COL5A2: variants seen among roughly 807,000 people sequenced by gnomAD.
The protein encoded by COL5A2 is collagen type V alpha 2 chain.
COL5A2 carries 23 observed loss-of-function variants against 208.2 expected under a neutral mutation model. That is an observed-to-expected ratio of 0.11 (90% confidence interval 0.08 to 0.16). COL5A2 has a LOEUF of 0.16. Among genes scored for constraint, COL5A2 ranks in the 10% least tolerant of loss-of-function variants. The probability of loss-of-function intolerance (pLI) is 1.00; values close to 1 mark genes in which losing one functional copy is unlikely to be tolerated. For synonymous variants in COL5A2, 625 were observed against 628.5 expected, an observed-to-expected ratio of 0.99 and a Z score of 0.08; for missense variants, 1,590 against 1,956.4, an observed-to-expected ratio of 0.81 and a Z score of 3.53.
intron 6 of COL5A2, 134 bp from the exon 7 acceptor site, chr2:189,092,554 T>C: frequency 1.4e-6 from 1 of 704,718 alleles, no homozygotes; most frequent in Non-Finnish European, 2.6e-6. Context: ...CCACTTAGAG[T>C]AATTTCATCA....
intron 1 of COL5A2, among the ~76,000 whole-genome samples, chr2:189,191,856 A>T (rs12474942): frequency 0.15 from 22,434 of 151,822 alleles, 2,845 homozygotes; most frequent in African/African-American, 0.34. Flanking sequence ...AGGCACAGAG[A>T]GACATCAATA....
intron 1 of COL5A2, among the ~76,000 whole-genome samples, chr2:189,117,126 T>C (rs993420198): frequency 6.6e-6 from 1 of 152,212 alleles, no homozygotes; most frequent in African/African-American, 2.4e-5. Flanking sequence ...TTAAGTTTTT[T>C]TCCATGTATC....
intron 33 of COL5A2, 33 bp downstream of exon 33, chr2:189,058,396 A>G (rs199913286): frequency 7.4e-5 from 113 of 1,529,774 alleles, no homozygotes; most frequent in Admixed American, 1.0e-4. Flanking sequence ...ATTTTAAAGC[A>G]TTTTAAAACA....
chr2:189,397,440 A>G, the COL5A2 span, among the ~76,000 whole-genome samples: 1 of 152,162 alleles, frequency 6.6e-6, no homozygotes, highest in Non-Finnish European at 1.5e-5. Context: ...TGAACCAGAC[A>G]TTGCCAACTT....
At chr2:189,050,218 G>T (rs1240375943) in intron 43 of COL5A2, among the ~76,000 whole-genome samples, 2 of 151,944 alleles carry the variant, frequency 1.3e-5, no homozygotes, top group Non-Finnish European at 2.9e-5. Context: ...TGGTATTTTT[G>T]TTAAGCATGT....
At chr2:189,106,436 T>TG (rs1215205192) in intron 2 of COL5A2, among the ~76,000 whole-genome samples, 1 of 151,414 alleles carries the variant, frequency 6.6e-6, no homozygotes, top group Non-Finnish European at 1.5e-5. Context: ...TATTAATTTC[T>TG]GCTTGTTAAT....
At position 189,080,869 on chromosome 2, in the gene COL5A2, G is replaced by A. The variant is rs553018280; in HGVS notation, c.906+121C>T. 44 of 815,436 alleles carry A rather than the reference G, an allele frequency of 5.4e-5. 1 individual carries two copies. In the Middle Eastern group the frequency reaches 7.1e-4, roughly 13 times the overall value. The allele number at this position is 815,436 out of a possible 1,614,324, so 50.5% of individuals were successfully genotyped here. ...ATTTCAGTAACCACAGATGAATACT[G>A]CAACCATAGACAGTTAAGGACAATT... is the stretch of plus-strand genomic sequence containing the variant. On this transcript the variant is annotated intron_variant, in intron 13 of 53. Coordinates refer to ENST00000374866, the MANE Select transcript of COL5A2 (RefSeq NM_000393.5).
rs1686558012 is a variant in COL5A2 at position 189,082,544 on chromosome 2, A to G, written c.852+1440T>C. On this transcript the variant is annotated intron_variant, in intron 12 of 53. Coordinates refer to ENST00000374866, the MANE Select transcript of COL5A2 (RefSeq NM_000393.5). Reference sequence around the variant, plus strand: ...GTCTAAGCCTATAGGGGAATTGCTGAGCTATGTTATTTCAAATAATTAGTT... The same window carrying G: ...GTCTAAGCCTATAGGGGAATTGCTGGGCTATGTTATTTCAAATAATTAGTT... 3.3e-5 allele frequency among the ~76,000 whole-genome samples: 5 copies of G among 152,220 alleles called. No individual in the cohort carries two copies. The South Asian group carries it at 1.0e-3, about 31-fold the overall frequency.
intron 1 of COL5A2, among the ~76,000 whole-genome samples, chr2:189,185,940 A>G (rs920283386): frequency 6.6e-6 from 1 of 152,228 alleles, no homozygotes; most frequent in Non-Finnish European, 1.5e-5. Flanking sequence ...GAAACTAGTA[A>G]TAGAGCAGGA....
At chr2:189,094,814 T>A (rs1686870623) in intron 6 of COL5A2, among the ~76,000 whole-genome samples, 1 of 150,746 alleles carries the variant, frequency 6.6e-6, no homozygotes, top group African/African-American at 2.4e-5. Flanking sequence ...ACAATACACT[T>A]AAAACTGAGG....
At chr2:189,108,132 C>T (rs1687186043) in intron 2 of COL5A2, among the ~76,000 whole-genome samples, 1 of 151,622 alleles carries the variant, frequency 6.6e-6, no homozygotes, top group Non-Finnish European at 1.5e-5. Context: ...ATAATTATTT[C>T]TGCATTGTCA....
intron 1 of COL5A2, among the ~76,000 whole-genome samples, chr2:189,208,728 T>C (rs1689172803): frequency 6.6e-6 from 1 of 152,238 alleles, no homozygotes; most frequent in Non-Finnish European, 1.5e-5. Context: ...ATCTGTGTTT[T>C]AGAAAGTATA....
At chr2:189,430,046 T>C in the COL5A2 span, among the ~76,000 whole-genome samples, 1 of 152,194 alleles carries the variant, frequency 6.6e-6, no homozygotes, top group Non-Finnish European at 1.5e-5. Context: ...ATTGACAGAT[T>C]TGCTTTGAAG....
At chr2:189,051,199 TAA>T in intron 42 of COL5A2, 119 bp downstream of exon 42, 1 of 1,271,012 alleles carries the variant, frequency 7.9e-7, no homozygotes, top group Non-Finnish European at 1.1e-6. Context: ...TAATGCACTT[TAA>T]AAATTTTAGG....
the COL5A2 span, among the ~76,000 whole-genome samples, chr2:189,329,627 T>C: frequency 1.3e-5 from 2 of 152,040 alleles, no homozygotes; most frequent in South Asian, 2.1e-4. Flanking sequence ...TCAATAAACC[T>C]AGGAAAAAAA....
At chr2:189,184,252 G>T (rs905633263), upstream of COL5A2, among the ~76,000 whole-genome samples, 2 of 151,220 alleles carry the variant, frequency 1.3e-5, no homozygotes, top group Admixed American at 1.3e-4. Context: ...AAGCAACAGT[G>T]AACTTGAGAC....
At chr2:189,342,682 A>C in the COL5A2 span, among the ~76,000 whole-genome samples, 4 of 139,406 alleles carry the variant, frequency 2.9e-5, no homozygotes, top group African/African-American at 1.1e-4. Context: ...CACACACACA[A>C]TAAATATGTT....
upstream of COL5A2, among the ~76,000 whole-genome samples, chr2:189,227,696 C>G (rs995736173): frequency 2.0e-5 from 3 of 151,852 alleles, no homozygotes; most frequent in African/African-American, 7.2e-5. Context: ...CAATATAGAG[C>G]ACCTAAATAC....
the COL5A2 span, among the ~76,000 whole-genome samples, chr2:189,251,873 G>C: frequency 6.6e-6 from 1 of 151,660 alleles, no homozygotes; most frequent in Non-Finnish European, 1.5e-5. Context: ...TGACAAAGGA[G>C]TAATATCCAG....
Sources: gnomAD v4.1 joint callset for allele counts (sites outside exome capture counted in the v4.1 genomes callset) on GRCh38, gnomAD v4.1.1 for gene constraint, MANE v1.5 for transcripts, NCBI Gene and HGNC (gene_info 2026-07-23, HGNC 2026-07-21) for gene names.